The following DNAH8 variants were observed in gnomAD, a reference collection of about 807,000 sequenced individuals.
The protein encoded by DNAH8 is axonemal beta dynein heavy chain 8.
Under a neutral mutation model 562.1 loss-of-function variants are expected in DNAH8, and 382 were observed. The ratio of observed to expected loss-of-function variants is 0.68; its 90% CI spans 0.63 to 0.74. DNAH8 has a LOEUF of 0.74. DNAH8 is among the 30% of genes least tolerant of loss of function. The pLI is 0.00. For synonymous variants in DNAH8, 1,881 were observed against 1,919.4 expected (o/e 0.98, Z 0.52); for missense variants, 5,203 against 5,620.4 (o/e 0.93, Z 2.37).
Position 38,857,548 on chromosome 6 carries a change from A to G in DNAH8, c.5764A>G (p.Thr1922Ala), listed in dbSNP as rs1282665414. 1 of 1,613,516 alleles carries G rather than the reference A, an allele frequency of 6.2e-7. No individual in the cohort carries two copies. Among genetic ancestry groups the G allele is most frequent in the South Asian group, 1.1e-5 (1 of 90,946 alleles). Residue 1922 changes from threonine (T) to alanine (A), a missense_variant, in exon 42 of 93, where the codon ACA becomes GCA. Thr to Ala is a moderately conservative substitution (Grantham distance 58). This residue lies in a region of DNAH8 where 2,176 missense variants were observed against 2,365.1 expected (regional missense o/e 0.92). Coordinates refer to ENST00000327475, the MANE Select transcript of DNAH8 (RefSeq NM_001206927.2). ...ACTTCTGGGAATTCAGATGTTGTGG[A>G]CACACGATTCAGAAGAGGCTTTACG... ...VGLLGIQMLW[T>A]HDSEEALRNA...
At chr6:38,922,160 A>T (rs112521899) in intron 71 of DNAH8, among the ~76,000 whole-genome samples, 5,646 of 151,862 alleles carry the variant, frequency 0.037, 278 homozygotes, top group East Asian at 0.21. Context: ...TGGCTCAGAG[A>T]CCTGACAGGG....
intron 39 of DNAH8, 40 bp downstream of exon 39, chr6:38,851,714 C>A (rs79589395): frequency 8.0e-7 from 1 of 1,243,082 alleles, no homozygotes; most frequent in Non-Finnish European, 1.2e-6. Flanking sequence ...GCTTTTCCCA[C>A]GACATACACA....
chr6:38,881,933 A>T (rs1366451935), intron 53 of DNAH8, among the ~76,000 whole-genome samples: 1 of 152,086 alleles, frequency 6.6e-6, no homozygotes, highest in African/African-American at 2.4e-5. Flanking sequence ...TTTTCAGTTG[A>T]TGTGGCTTTT....
At position 38,875,897 on chromosome 6, in the gene DNAH8, A is replaced by G. The variant is rs1398537366; in HGVS notation, c.7858+69A>G. 7 of 975,784 alleles carry G rather than the reference A, an allele frequency of 7.2e-6. No homozygotes were observed. In the Admixed American group the frequency reaches 8.4e-5, roughly 12 times the overall value. 60.4% of individuals were successfully genotyped at this position (975,784 alleles called of 1,614,324 possible). ...AATGAGAAAATATAAGCTTTCATAA[A>G]CTCTTCTATGAGAGAATATTAAAAC... On this transcript the variant is annotated intron_variant, in intron 53 of 92. Transcript: ENST00000327475.
At chr6:38,735,101 C>T (rs1380386648) in intron 5 of DNAH8, among the ~76,000 whole-genome samples, 1 of 152,152 alleles carries the variant, frequency 6.6e-6, no homozygotes, top group Non-Finnish European at 1.5e-5. Flanking sequence ...TAAATGTGTC[C>T]TCTGGAAAGT....
chr6:38,847,944 TG>T (rs1264220078), intron 36 of DNAH8, among the ~76,000 whole-genome samples: 1 of 152,112 alleles, frequency 6.6e-6, no homozygotes, highest in Non-Finnish European at 1.5e-5. Context: ...CCCTGCTATA[TG>T]GGGGTAGCAA....
chr6:39,011,991 C>T (rs140025283), intron 89 of DNAH8, among the ~76,000 whole-genome samples: 49 of 152,204 alleles, frequency 3.2e-4, no homozygotes, highest in African/African-American at 1.1e-3. Context: ...TAGCTAAGTA[C>T]AATCAGTAAG....
chr6:39,022,583 G>A (rs1013937451), intron 91 of DNAH8, among the ~76,000 whole-genome samples: 10 of 152,140 alleles, frequency 6.6e-5, no homozygotes, highest in South Asian at 2.1e-4. Context: ...CTGCCCAGTC[G>A]AGCCATACCT....
At chr6:38,888,486 A>G (rs1779114639) in intron 57 of DNAH8, among the ~76,000 whole-genome samples, 2 of 152,220 alleles carry the variant, frequency 1.3e-5, no homozygotes, top group Admixed American at 1.3e-4. Flanking sequence ...AACACATATA[A>G]TAACAACAAA....
At chr6:38,925,339 AT>A (rs946025603) in intron 73 of DNAH8, among the ~76,000 whole-genome samples, 1 of 68,372 alleles carries the variant, frequency 1.5e-5, no homozygotes, top group African/African-American at 5.2e-5. Flanking sequence ...ATTTTATTTT[AT>A]TTTATTTTTT....
intron 82 of DNAH8, among the ~76,000 whole-genome samples, chr6:38,968,321 G>A (rs1029238145): frequency 1.3e-5 from 2 of 152,102 alleles, no homozygotes; most frequent in South Asian, 4.1e-4. Context: ...GTAAAACTTT[G>A]TGCTTCAGAG....
At chr6:38,971,778 AT>A (rs1561929011) in intron 83 of DNAH8, 113 bp downstream of exon 83, 7 of 723,910 alleles carry the variant, frequency 9.7e-6, no homozygotes, top group Non-Finnish European at 1.5e-5. Context: ...ATTTTTGTTT[AT>A]CATTACCTGT....
intron 91 of DNAH8, among the ~76,000 whole-genome samples, chr6:39,016,316 C>A (rs183780883): frequency 1.0e-3 from 152 of 152,134 alleles, no homozygotes; most frequent in South Asian, 3.1e-3. Flanking sequence ...CTTTGGGAGG[C>A]CGAGGCGGGC....
At chr6:38,861,420 G>A (rs1038742361) in intron 43 of DNAH8, among the ~76,000 whole-genome samples, 3 of 152,192 alleles carry the variant, frequency 2.0e-5, no homozygotes, top group African/African-American at 7.2e-5. Flanking sequence ...TACAACAGAA[G>A]CTGGATCATG....
intron 10 of DNAH8, among the ~76,000 whole-genome samples, chr6:38,756,969 C>T (rs1227919094): frequency 2.6e-5 from 4 of 151,870 alleles, no homozygotes; most frequent in Admixed American, 1.3e-4. Flanking sequence ...TGAATAGTGC[C>T]GCAATAAACA....
intron 32 of DNAH8, among the ~76,000 whole-genome samples, chr6:38,836,022 T>C (rs1774253088): frequency 6.6e-6 from 1 of 151,876 alleles, no homozygotes; most frequent in South Asian, 2.1e-4. Flanking sequence ...GAAAATTGGA[T>C]GGATCATGAA....
In DNAH8 at chr6:38,890,548, C is replaced by T. The variant is rs1779273289; in HGVS notation, c.8474-104C>T. ...CTGATCCCTTGAGAGAAATTCTGAACAACACCCAGCTTAGTCAGCCTTGTA... is the reference window on the plus strand; with the variant it reads ...CTGATCCCTTGAGAGAAATTCTGAATAACACCCAGCTTAGTCAGCCTTGTA... On this transcript the variant is annotated intron_variant, in intron 57 of 92. Coordinates refer to ENST00000327475, the MANE Select transcript of DNAH8 (RefSeq NM_001206927.2). 3.7e-6 allele frequency: 3 copies of T among 820,400 alleles called. No homozygotes were observed. The East Asian group carries it at 7.6e-5, about 21-fold the overall frequency. 50.8% of individuals were successfully genotyped at this position (820,400 alleles called of 1,614,324 possible).
intron 66 of DNAH8, among the ~76,000 whole-genome samples, chr6:38,913,429 CAA>C (rs1781058673): frequency 1.3e-5 from 2 of 152,260 alleles, no homozygotes; most frequent in South Asian, 2.1e-4. Context: ...ATTTTTATAA[CAA>C]AGAGAACCAC....
At chr6:38,841,719 T>A (rs191093807) in intron 33 of DNAH8, among the ~76,000 whole-genome samples, 7 of 151,712 alleles carry the variant, frequency 4.6e-5, no homozygotes, top group Non-Finnish European at 4.4e-5. Flanking sequence ...TCTGGGCACA[T>A]GTGGGATTTT....
Sources: gnomAD v4.1 joint callset for allele counts (sites outside exome capture counted in the v4.1 genomes callset) on GRCh38, gnomAD v4.1.1 for gene constraint, gnomAD v4.1.1 regional missense constraint, MANE v1.5 for transcripts, NCBI Gene and HGNC (gene_info 2026-07-23, HGNC 2026-07-21) for gene names.